The following PDGFC variants were observed in gnomAD, a reference collection of about 807,000 sequenced individuals.
The protein encoded by PDGFC is platelet derived growth factor C.
PDGFC carries 12 observed loss-of-function variants against 35.5 expected under a neutral mutation model. That is an observed-to-expected ratio of 0.34 (90% CI 0.22 to 0.55). PDGFC has a LOEUF of 0.55. Among genes scored for constraint, PDGFC ranks in the 20% least tolerant of loss-of-function variants. The pLI is 0.91. For synonymous variants in PDGFC, 159 were observed against 148.8 expected (o/e 1.07, Z -0.50); for missense variants, 322 against 412.4 (o/e 0.78, Z 1.90).
At chr4:156,796,509 T>G (rs1438458666) in intron 3 of PDGFC, among the ~76,000 whole-genome samples, 7 of 150,882 alleles carry the variant, frequency 4.6e-5, no homozygotes, top group South Asian at 2.1e-4. Flanking sequence ...TTTTTTTTTT[T>G]TTTTTTTACA....
At chr4:156,832,028 C>G (rs79497222) in intron 2 of PDGFC, among the ~76,000 whole-genome samples, 9,034 of 152,004 alleles carry the variant, frequency 0.059, 887 homozygotes, top group African/African-American at 0.21. Flanking sequence ...AAATAGTTTT[C>G]TCTTTTAAAA....
At chr4:156,961,454 A>C (rs1262942526) in intron 1 of PDGFC, among the ~76,000 whole-genome samples, 2 of 152,174 alleles carry the variant, frequency 1.3e-5, no homozygotes, top group South Asian at 2.1e-4. Flanking sequence ...GAAATGCTTA[A>C]AATAGTATCC....
At chr4:156,775,214 T>G (rs1730796854) in intron 3 of PDGFC, among the ~76,000 whole-genome samples, 2 of 152,166 alleles carry the variant, frequency 1.3e-5, no homozygotes, top group Non-Finnish European at 2.9e-5. Context: ...TTTAGCTAAT[T>G]AAGCTACTAT....
At chr4:156,870,231 T>A (rs113158257) in intron 1 of PDGFC, among the ~76,000 whole-genome samples, 2,386 of 152,270 alleles carry the variant, frequency 0.016, 63 homozygotes, top group African/African-American at 0.054. Flanking sequence ...CAACTCTTTC[T>A]ATATATTTAT....
intron 1 of PDGFC, 48 bp from the exon 2 acceptor site, chr4:156,850,464 T>C: frequency 9.1e-7 from 1 of 1,102,992 alleles, no homozygotes; most frequent in Non-Finnish European, 1.3e-6. Flanking sequence ...TTTCAAAAAT[T>C]ATAGGTATCA....
chr4:156,826,500 G>C (rs1728759829), intron 2 of PDGFC, among the ~76,000 whole-genome samples: 1 of 151,916 alleles, frequency 6.6e-6, no homozygotes, highest in African/African-American at 2.4e-5. Context: ...CCATGCCATT[G>C]TAATTTTTGG....
chr4:156,865,816 T>C (rs1427876522), intron 1 of PDGFC, among the ~76,000 whole-genome samples: 14 of 152,208 alleles, frequency 9.2e-5, no homozygotes, highest in South Asian at 2.1e-4. Context: ...TGTTTTAAAA[T>C]GAGCAGTGGT....
chr4:156,964,714 T>A (rs1278221597), intron 1 of PDGFC, among the ~76,000 whole-genome samples: 1 of 152,124 alleles, frequency 6.6e-6, no homozygotes, highest in East Asian at 1.9e-4. Context: ...TATCACCACA[T>A]TAGCAGTTTA....
At chr4:156,922,148 G>A (rs960394045) in intron 1 of PDGFC, among the ~76,000 whole-genome samples, 35 of 141,786 alleles carry the variant, frequency 2.5e-4, no homozygotes, top group Non-Finnish European at 4.7e-4. Context: ...ATCTCACAAG[G>A]ATTCATAGTG....
chr4:156,863,505 T>C (rs1729766069), intron 1 of PDGFC, among the ~76,000 whole-genome samples: 1 of 152,160 alleles, frequency 6.6e-6, no homozygotes, highest in African/African-American at 2.4e-5. Flanking sequence ...TATCTTAAAA[T>C]AGGTAAAACA....
intron 2 of PDGFC, among the ~76,000 whole-genome samples, chr4:156,840,931 T>C (rs750995684): frequency 1.4e-4 from 21 of 152,346 alleles, no homozygotes; most frequent in Admixed American, 3.3e-4. Context: ...CCATTTGGAA[T>C]GGGTGTATTT....
intron 3 of PDGFC, among the ~76,000 whole-genome samples, chr4:156,784,049 A>T (rs937265681): frequency 2.0e-5 from 3 of 152,204 alleles, no homozygotes; most frequent in African/African-American, 7.2e-5. Context: ...AATTTATAAT[A>T]AGTGGAGGTG....
At chr4:156,800,110 T>C (rs1445289537) in intron 3 of PDGFC, among the ~76,000 whole-genome samples, 1 of 152,192 alleles carries the variant, frequency 6.6e-6, no homozygotes, top group Non-Finnish European at 1.5e-5. Context: ...CTCTTCACTC[T>C]ATATATGTTG....
chr4:156,894,979 T>A (rs1454162067), intron 1 of PDGFC, among the ~76,000 whole-genome samples: 1 of 152,192 alleles, frequency 6.6e-6, no homozygotes, highest in Admixed American at 6.5e-5. Flanking sequence ...TAAATCCAAC[T>A]ATGAAGTGTC....
intron 3 of PDGFC, among the ~76,000 whole-genome samples, chr4:156,794,498 T>C (rs1731385694): frequency 6.7e-6 from 1 of 148,766 alleles, no homozygotes; most frequent in Admixed American, 6.7e-5. Flanking sequence ...AAAATAAGAA[T>C]GAAAGAGAAG....
At chr4:156,969,793 G>A (rs147144696) in intron 1 of PDGFC, among the ~76,000 whole-genome samples, 39 of 152,234 alleles carry the variant, frequency 2.6e-4, no homozygotes, top group African/African-American at 9.1e-4. Flanking sequence ...ATTACAGTAA[G>A]AGCCACCATT....
Position 156,761,532 on chromosome 4 carries a change from C to T in PDGFC, c.*1558G>A, listed in dbSNP as rs939204351. 1 of 152,242 alleles carries T rather than the reference C, an allele frequency of 6.6e-6. No homozygotes were observed. Among genetic ancestry groups the T allele is most frequent in the Non-Finnish European group, 1.5e-5 (1 of 68,016 alleles). The allele number at this position is 152,242 out of a possible 1,614,324, so 9.4% of individuals were successfully genotyped here. On this transcript the variant is annotated 3_prime_UTR_variant, in exon 6 of 6. Transcript: ENST00000502773. ...TCTTTTGAATTGACATATGCTTTTG[C>T]TAAATGAAAATCATAACAGAAAATT...
intron 3 of PDGFC, among the ~76,000 whole-genome samples, chr4:156,789,248 T>A (rs1731221549): frequency 6.6e-6 from 1 of 152,172 alleles, no homozygotes; most frequent in African/African-American, 2.4e-5. Flanking sequence ...AACAGCTGCC[T>A]AGAAAAAATA....
In PDGFC at chr4:156,931,974, C is replaced by G. The variant is rs527636678; in HGVS notation, c.118+38812G>C. On this transcript the variant is annotated intron_variant, in intron 1 of 5. Coordinates refer to ENST00000502773, the MANE Select transcript of PDGFC (RefSeq NM_016205.3). ...ATTTAAAGAGCATCTGCAATACTAA[C>G]CCTGACATTTATAGTATATGATTTG... Among the ~76,000 whole-genome samples the G allele has an allele frequency of 2.6e-5, 4 of 152,068 alleles. No homozygotes were observed. The South Asian group carries it at 8.3e-4, about 32-fold the overall frequency.
Sources: gnomAD v4.1 joint callset for allele counts (sites outside exome capture counted in the v4.1 genomes callset) on GRCh38, gnomAD v4.1.1 for gene constraint, MANE v1.5 for transcripts, NCBI Gene and HGNC (gene_info 2026-07-23, HGNC 2026-07-21) for gene names.